ATG7: variants seen among roughly 807,000 people sequenced by gnomAD.
ATG7 encodes autophagy related 7, also known as ubiquitin-like modifier-activating enzyme ATG7.
Under a neutral mutation model 82.4 loss-of-function variants are expected in ATG7, and 70 were observed. The ratio of observed to expected loss-of-function variants is 0.85; its 90% CI spans 0.70 to 1.04. The LOEUF (loss-of-function observed/expected upper bound fraction) is 1.04. Among genes scored for constraint, ATG7 ranks in the 50% least tolerant of loss-of-function variants. The pLI is 0.00. For missense variants in ATG7, 792 were observed against 864.3 expected, an observed-to-expected ratio of 0.92 and a Z score of 1.05; for synonymous variants, 287 against 313.0, an observed-to-expected ratio of 0.92 and a Z score of 0.88.
chr3:11,573,287 GAAAGA>G, the ATG7 span, among the ~76,000 whole-genome samples: 105 of 9,954 alleles, frequency 0.011, 13 homozygotes, highest in African/African-American at 0.073. Flanking sequence ...AAGAAAGAAA[GAAAGA>G]AAGAAAGAAA....
rs1257210991 is a variant in ATG7, at chr3:11,555,052, A to ACCTTGG, written c.*221_*226dup. 22 of 592,060 alleles carry ACCTTGG rather than the reference A, an allele frequency of 3.7e-5. No homozygotes were observed. The highest frequency in any genetic ancestry group is 5.4e-5 in the Non-Finnish European group (19 of 351,738). The allele number at this position is 592,060 out of a possible 1,614,324, so 36.7% of individuals were successfully genotyped here. A position where few individuals can be genotyped will look rare whatever the true frequency, so the allele number is the denominator to read the frequency against. ...ACCACCAGTTCAGAGCTAAATAATA[A>ACCTTGG]CCTTGGCCTTGGCCTTGCTATTGAC... On this transcript the variant is annotated 3_prime_UTR_variant, in exon 21 of 21. Transcript: ENST00000693202.
At chr3:11,303,494 C>A (rs887401070) in intron 5 of ATG7, among the ~76,000 whole-genome samples, 2 of 151,484 alleles carry the variant, frequency 1.3e-5, no homozygotes, top group Non-Finnish European at 2.9e-5. Context: ...ATGGTGAAAC[C>A]CCGTCTCTAC....
chr3:11,446,574 A>G (rs978815152), intron 20 of ATG7: 38 of 410,734 alleles, frequency 9.3e-5, no homozygotes, highest in South Asian at 6.8e-4. Context: ...ACAGTGTTAA[A>G]ATGTCATAAA....
In ATG7 at chr3:11,557,082, T is replaced by A. The variant is rs2072497812; in HGVS notation, c.*2239T>A. ...GCCCACGTCACCTGGTCAGGTGCCA[T>A]CGTCGTGAGCCTCTGGTGGGCCAGG... On this transcript the variant is annotated 3_prime_UTR_variant, in exon 21 of 21. Transcript: ENST00000693202. The A allele has an allele frequency of 6.6e-6, 1 of 152,372 alleles. No individual in the cohort carries two copies. Among genetic ancestry groups the A allele is most frequent in the African/African-American group, 2.4e-5 (1 of 41,402 alleles). The allele number at this position is 152,372 out of a possible 1,614,324, so 9.4% of individuals were successfully genotyped here.
intron 19 of ATG7, among the ~76,000 whole-genome samples, chr3:11,381,794 T>A (rs1172492895): frequency 6.6e-6 from 1 of 152,244 alleles, no homozygotes; most frequent in Non-Finnish European, 1.5e-5. Context: ...AAATTTCTTT[T>A]GTCCTGGAAA....
At chr3:11,474,688 T>C (rs1238108692) in intron 20 of ATG7, among the ~76,000 whole-genome samples, 1 of 152,138 alleles carries the variant, frequency 6.6e-6, no homozygotes, top group Non-Finnish European at 1.5e-5. Flanking sequence ...CAGGAGTTAA[T>C]ATAAACTGGC....
chr3:11,566,910 A>G, the ATG7 span, among the ~76,000 whole-genome samples: 47 of 152,258 alleles, frequency 3.1e-4, no homozygotes, highest in Non-Finnish European at 1.5e-4. Context: ...GAAGCAGCAT[A>G]TGGGTGACCG....
In ATG7 at chr3:11,406,468, GTTAAC is replaced by G. The variant is rs1291430201; in HGVS notation, c.1957-20331_1957-20327del. Among the ~76,000 whole-genome samples the G allele has an allele frequency of 2.0e-5, 3 of 152,052 alleles. No individual in the cohort carries two copies. The East Asian group carries it at 5.8e-4, about 29-fold the overall frequency. Reference sequence around the variant, plus strand: ...TTACAAGCACCTGCTACTGTGCCCAGTTAACTTAAAAAAAAAATTTGTAGAGATGA... The same window carrying G: ...TTACAAGCACCTGCTACTGTGCCCAGTTAAAAAAAAAATTTGTAGAGATGA... On this transcript the variant is annotated intron_variant, in intron 19 of 20. Transcript: ENST00000693202.
At chr3:11,505,425 A>G (rs1330909759) in intron 20 of ATG7, among the ~76,000 whole-genome samples, 6 of 152,098 alleles carry the variant, frequency 3.9e-5, no homozygotes, top group Admixed American at 2.6e-4. Flanking sequence ...GAAGACATGG[A>G]CCTTTTGTTA....
At chr3:11,574,114 G>A in the ATG7 span, among the ~76,000 whole-genome samples, 1 of 152,138 alleles carries the variant, frequency 6.6e-6, no homozygotes, top group African/African-American at 2.4e-5. Context: ...CAGGCACCAG[G>A]AACGGTGAGA....
intron 19 of ATG7, among the ~76,000 whole-genome samples, chr3:11,384,492 G>C (rs1418659234): frequency 6.6e-6 from 1 of 152,170 alleles, no homozygotes; most frequent in African/African-American, 2.4e-5. Flanking sequence ...TTAGCTTTCT[G>C]TGTGTATCTG....
At chr3:11,290,872 A>T (rs1944874652) in intron 3 of ATG7, among the ~76,000 whole-genome samples, 1 of 151,866 alleles carries the variant, frequency 6.6e-6, no homozygotes, top group Admixed American at 6.6e-5. Context: ...TTTAGTGGAG[A>T]CGGGGTTTCG....
Position 11,480,426 on chromosome 3 carries a change from A to G in ATG7, c.2079+53500A>G, listed in dbSNP as rs541146276. Among the ~76,000 whole-genome samples, 2 of 152,040 alleles carry G rather than the reference A, an allele frequency of 1.3e-5. 1 individual carries two copies. Among genetic ancestry groups the G allele is most frequent in the Admixed American group, 1.3e-4 (2 of 15,278 alleles). On this transcript the variant is annotated intron_variant, in intron 20 of 20. Coordinates refer to ENST00000693202, the MANE Select transcript of ATG7 (RefSeq NM_001349232.2). ...GTTGTGCATGCCTATAGTCCCAGGT[A>G]TTTGGGAGGCTGAGGTGGGAGGATT...
chr3:11,411,618 C>CAAAAAA (rs2080902742), intron 19 of ATG7, among the ~76,000 whole-genome samples: 2 of 13,970 alleles, frequency 1.4e-4, no homozygotes, highest in Non-Finnish European at 3.0e-4. Context: ...GACTCTGTCT[C>CAAAAAA]CAAAAAAAAA....
intron 14 of ATG7, among the ~76,000 whole-genome samples, chr3:11,352,815 G>C (rs1284304853): frequency 6.6e-6 from 1 of 152,252 alleles, no homozygotes; most frequent in African/African-American, 2.4e-5. Context: ...TCTTAAGGAA[G>C]TAACATTTGG....
At chr3:11,323,623 A>G (rs1476202479) in intron 9 of ATG7, among the ~76,000 whole-genome samples, 1 of 152,210 alleles carries the variant, frequency 6.6e-6, no homozygotes, top group African/African-American at 2.4e-5. Context: ...CATTCAGAGC[A>G]GTTATTGAAG....
intron 20 of ATG7, among the ~76,000 whole-genome samples, chr3:11,495,677 C>CT (rs997522439): frequency 2.9e-3 from 106 of 36,804 alleles, no homozygotes; most frequent in Admixed American, 9.4e-3. Context: ...GTCTTTAAAA[C>CT]TCCTGAAGCT....
chr3:11,423,393 G>A (rs1235914373), intron 19 of ATG7, among the ~76,000 whole-genome samples: 1 of 152,190 alleles, frequency 6.6e-6, no homozygotes, highest in Non-Finnish European at 1.5e-5. Flanking sequence ...AAATGTGACA[G>A]AGACACGAAG....
At chr3:11,391,660 G>A (rs1460076574) in intron 19 of ATG7, among the ~76,000 whole-genome samples, 1 of 152,194 alleles carries the variant, frequency 6.6e-6, no homozygotes, top group East Asian at 1.9e-4. Flanking sequence ...CTATAAATGG[G>A]TTGGAAGCCA....
Sources: gnomAD v4.1 joint callset for allele counts (sites outside exome capture counted in the v4.1 genomes callset) on GRCh38, gnomAD v4.1.1 for gene constraint, MANE v1.5 for transcripts, NCBI Gene and HGNC (gene_info 2026-07-23, HGNC 2026-07-21) for gene names.